GGACT: variants seen among roughly 807,000 people sequenced by gnomAD.
GGACT encodes gamma-glutamylamine cyclotransferase.
For missense variants in GGACT, 241 were observed against 233.2 expected, an observed-to-expected ratio of 1.03 and a Z score of -0.22; for synonymous variants, 118 against 115.3, an observed-to-expected ratio of 1.02 and a Z score of -0.15.
chr13:100,540,247 A>G (rs1450111742), intron 2 of GGACT: 2 of 1,316,994 alleles, frequency 1.5e-6, no homozygotes, highest in African/African-American at 1.4e-5. Flanking sequence ...TTTCTTTGTC[A>G]TCTTGGAGGC....
chr13:100,568,621 A>G (rs1020449562), intron 2 of GGACT, among the ~76,000 whole-genome samples: 5 of 152,238 alleles, frequency 3.3e-5, no homozygotes, highest in East Asian at 3.8e-4. Context: ...GAGCCAAACC[A>G]TAACATCCCA....
At chr13:100,556,554 G>A (rs1252956171) in intron 2 of GGACT, among the ~76,000 whole-genome samples, 1 of 151,650 alleles carries the variant, frequency 6.6e-6, no homozygotes, top group Non-Finnish European at 1.5e-5. Context: ...CCCAAATTGA[G>A]GTAGACATTC....
At chr13:100,550,304 A>ACT (rs1427466540) in intron 2 of GGACT, among the ~76,000 whole-genome samples, 5 of 5,192 alleles carry the variant, frequency 9.6e-4, no homozygotes, top group Admixed American at 3.2e-3. Context: ...TACTCTACAC[A>ACT]CACACACACA....
At chr13:100,543,905 A>C (rs1042280967) in intron 2 of GGACT, among the ~76,000 whole-genome samples, 1 of 152,222 alleles carries the variant, frequency 6.6e-6, no homozygotes, top group Non-Finnish European at 1.5e-5. Context: ...AATTGGCCCC[A>C]GCAGATCCTG....
chr13:100,533,037 A>G (rs562119548), intron 2 of GGACT, among the ~76,000 whole-genome samples: 1 of 152,318 alleles, frequency 6.6e-6, no homozygotes, highest in East Asian at 1.9e-4. Context: ...AATGTTCCTC[A>G]GCCCTGCAGG....
At chr13:100,535,020 T>C (rs2088471649) in intron 2 of GGACT, among the ~76,000 whole-genome samples, 1 of 152,218 alleles carries the variant, frequency 6.6e-6, no homozygotes, top group South Asian at 2.1e-4. Flanking sequence ...GTCTTGTTTG[T>C]TGCTGGAACA....
intron 2 of GGACT, among the ~76,000 whole-genome samples, chr13:100,562,909 G>A (rs1210931509): frequency 2.6e-5 from 4 of 151,948 alleles, no homozygotes; most frequent in East Asian, 1.9e-4. Flanking sequence ...AAGAGCTCCC[G>A]TTCCCCTGCC....
chr13:100,546,539 G>A (rs7324962), intron 2 of GGACT, among the ~76,000 whole-genome samples: 79,637 of 151,618 alleles, frequency 0.53, 21,193 homozygotes, highest in South Asian at 0.72. Context: ...GACTGGGTGC[G>A]GTGGCTCATG....
chr13:100,562,228 C>A (rs1380615113), intron 2 of GGACT, among the ~76,000 whole-genome samples: 1 of 152,164 alleles, frequency 6.6e-6, no homozygotes, highest in Non-Finnish European at 1.5e-5. Context: ...TGGACCCCGA[C>A]AGAAACTACC....
chr13:100,565,285 G>A (rs2088800683), intron 2 of GGACT, among the ~76,000 whole-genome samples: 1 of 152,170 alleles, frequency 6.6e-6, no homozygotes. Flanking sequence ...TAACCATCAT[G>A]CTGAAAGATC....
intron 2 of GGACT, among the ~76,000 whole-genome samples, chr13:100,573,313 C>T (rs1875151714): frequency 6.6e-6 from 1 of 152,182 alleles, no homozygotes. Context: ...CTTCCCCCAT[C>T]CCATGAAATA....
intron 2 of GGACT, among the ~76,000 whole-genome samples, chr13:100,551,404 G>A (rs1032097142): frequency 3.9e-5 from 6 of 152,302 alleles, no homozygotes; most frequent in Admixed American, 2.0e-4. Context: ...AGGGACCAGC[G>A]CCCGTGGCAA....
At chr13:100,539,399 G>A (rs2153012751) in intron 2 of GGACT, 1 of 153,952 alleles carries the variant, frequency 6.5e-6, no homozygotes, top group East Asian at 1.9e-4. Flanking sequence ...TTTGTTGACT[G>A]TTTTTAAATC....
chr13:100,581,143 A>C (rs1448052844), intron 2 of GGACT, among the ~76,000 whole-genome samples: 1 of 152,240 alleles, frequency 6.6e-6, no homozygotes, highest in Non-Finnish European at 1.5e-5. Flanking sequence ...TACACAGGTC[A>C]GTACACACAG....
At chr13:100,546,080 G>A (rs568353904) in intron 2 of GGACT, among the ~76,000 whole-genome samples, 1 of 152,314 alleles carries the variant, frequency 6.6e-6, no homozygotes, top group South Asian at 2.1e-4. Flanking sequence ...GAAATAGATG[G>A]CCGGGCACAG....
In GGACT at chr13:100,534,120, C is replaced by G. The variant is rs961018734; in HGVS notation, c.-10-1519G>C. Among the ~76,000 whole-genome samples the G allele has an allele frequency of 6.6e-6, 1 of 152,220 alleles. No individual in the cohort carries two copies. Among genetic ancestry groups the G allele is most frequent in the Non-Finnish European group, 1.5e-5 (1 of 68,046 alleles). On this transcript the variant is annotated intron_variant, in intron 2 of 2. Coordinates refer to ENST00000683975, the MANE Select transcript of GGACT (RefSeq NM_001195087.2). This position sits in a 1 kb window ranked among gnomAD's most constrained non-coding sequence, Gnocchi z 4.9. ...GGACTTCTGTTTTCTTCTCAGCAAA[C>G]AAGAGCTGCTCTGGGGGGTTCTAGG...
chr13:100,569,038 G>C (rs1217339649), intron 2 of GGACT, among the ~76,000 whole-genome samples: 1 of 152,244 alleles, frequency 6.6e-6, no homozygotes, highest in East Asian at 1.9e-4. Flanking sequence ...CGCCCCTATG[G>C]CTTTGCAGGG....
rs1021023522 is a variant in GGACT, at chr13:100,534,267, C to T, written c.-10-1666G>A. On this transcript the variant is annotated intron_variant, in intron 2 of 2. Coordinates refer to ENST00000683975, the MANE Select transcript of GGACT (RefSeq NM_001195087.2). The surrounding 1 kb of genome is among the most constrained non-coding windows in gnomAD (Gnocchi z 4.9). The stretch of plus-strand genomic sequence containing the variant: ...GAAAGGTGTGGCCGTGGGAAAAACA[C>T]AAGGCTAGCCAGATACGTGCGCCCT... Among the ~76,000 whole-genome samples, 1 of 152,216 alleles carries T rather than the reference C, an allele frequency of 6.6e-6. No individual in the cohort carries two copies. Among genetic ancestry groups the T allele is most frequent in the African/African-American group, 2.4e-5 (1 of 41,456 alleles).
At chr13:100,540,432 C>T (rs1413179819) in intron 2 of GGACT, among the ~76,000 whole-genome samples, 1 of 152,088 alleles carries the variant, frequency 6.6e-6, no homozygotes, top group Non-Finnish European at 1.5e-5. Flanking sequence ...ATTCTCTTGG[C>T]CTTTTTATTT....
Sources: gnomAD v4.1 joint callset for allele counts (sites outside exome capture counted in the v4.1 genomes callset) on GRCh38, gnomAD v4.1.1 for gene constraint, Gnocchi (gnomAD v3.1) non-coding constraint, MANE v1.5 for transcripts, NCBI Gene and HGNC (gene_info 2026-07-23, HGNC 2026-07-21) for gene names.